Variants in MRPL13 observed in about 807,000 individuals in gnomAD.
MRPL13 encodes large ribosomal subunit protein uL13m.
MRPL13 carries 33 observed loss-of-function variants against 29.0 expected under a neutral mutation model. The observed-to-expected ratio is 1.14, with a 90% CI of 0.86 to 1.52. MRPL13 has a LOEUF of 1.52. Among genes scored for constraint, MRPL13 ranks in the 40% most tolerant of loss-of-function variants. The pLI is 0.00. For synonymous variants in MRPL13, 77 were observed against 68.4 expected (o/e 1.13, Z -0.62); for missense variants, 227 against 216.7 (o/e 1.05, Z -0.30).
In MRPL13 at chr8:120,436,043, G is replaced by C. The variant is rs115426195; in HGVS notation, c.152-3920C>G. ...TCTTGTTAATCAATCTTATGCTCTA[G>C]TTGAAAAGCCAGACAATAAACAAAC... On this transcript the variant is annotated intron_variant, in intron 2 of 6. Transcript: ENST00000306185. 5.1e-3 allele frequency among the ~76,000 whole-genome samples: 779 copies of C among 152,110 alleles called. 8 individuals carry two copies. The highest frequency in any genetic ancestry group is 0.017 in the African/African-American group (693 of 41,500).
chr8:120,412,832 C>G (rs542946605), intron 6 of MRPL13, among the ~76,000 whole-genome samples: 1 of 152,232 alleles, frequency 6.6e-6, no homozygotes, highest in East Asian at 1.9e-4. Context: ...GACCCAGCAG[C>G]TAGTCACTCA....
At chr8:120,444,861 A>C in intron 1 of MRPL13, 62 of 360,524 alleles carry the variant, frequency 1.7e-4, no homozygotes, top group East Asian at 5.8e-4. Context: ...TGAAAAGGGC[A>C]GATTGAAAAG....
chr8:120,444,454 T>C (rs1022105844), intron 1 of MRPL13, among the ~76,000 whole-genome samples: 7 of 152,174 alleles, frequency 4.6e-5, no homozygotes, highest in Non-Finnish European at 8.8e-5. Flanking sequence ...GTTTCTTCTT[T>C]TGCTGTTGGC....
chr8:120,425,575 T>C (rs752505583), intron 3 of MRPL13, among the ~76,000 whole-genome samples: 9 of 152,214 alleles, frequency 5.9e-5, no homozygotes, highest in Non-Finnish European at 1.2e-4. Context: ...AAGTTCTACT[T>C]CTTGGAAAAA....
At chr8:120,414,442 T>G (rs1230563327) in intron 5 of MRPL13, 1 of 155,004 alleles carries the variant, frequency 6.5e-6, no homozygotes, top group East Asian at 1.9e-4. Flanking sequence ...TTAGTGCCAC[T>G]ACCTTTCAAT....
rs147074860 is a variant in MRPL13 at position 120,407,072 on chromosome 8, C to G, written c.515+6919G>C. ...AGCAAATTCTTTACCATACGCATCCCTATGCAAAACACTGCCTGCTACTCA... is the reference window on the plus strand; with the variant it reads ...AGCAAATTCTTTACCATACGCATCCGTATGCAAAACACTGCCTGCTACTCA... On this transcript the variant is annotated intron_variant, in intron 6 of 6. Transcript: ENST00000306185. Among the ~76,000 whole-genome samples the G allele has an allele frequency of 2.5e-4, 38 of 152,264 alleles. No homozygotes were observed. The Middle Eastern group carries it at 0.017, about 68-fold the overall frequency.
Position 120,414,007 on chromosome 8 carries a change from G to T in MRPL13, c.499C>A (p.Pro167Thr). The T allele has an allele frequency of 1.3e-6, 2 of 1,558,872 alleles. No homozygotes were observed. Among genetic ancestry groups the T allele is most frequent in the South Asian group, 1.3e-5 (1 of 78,668 alleles). ...EYTQEEIDAF[P>T]RLWTPPEDYR... The stretch of plus-strand genomic sequence containing the variant: ...AACACTTACGGAGTCCACAATCTTG[G>T]GAAGGCGTCTATTTCTTCTTGTGTG... Residue 167 changes from proline (P) to threonine (T), a missense_variant, in exon 6 of 7, where the codon CCA becomes ACA. Physicochemically the swap from Pro to Thr is conservative, Grantham distance 38 (BLOSUM62 -1). Coordinates refer to ENST00000306185, the MANE Select transcript of MRPL13 (RefSeq NM_014078.6).
intron 2 of MRPL13, among the ~76,000 whole-genome samples, chr8:120,437,882 A>C (rs1813073557): frequency 1.3e-5 from 2 of 152,204 alleles, no homozygotes; most frequent in Non-Finnish European, 2.9e-5. Flanking sequence ...ATTTTCAAAA[A>C]AAATATGTTT....
intron 6 of MRPL13, among the ~76,000 whole-genome samples, chr8:120,411,965 A>G (rs1563772355): frequency 6.6e-6 from 1 of 152,240 alleles, no homozygotes; most frequent in Non-Finnish European, 1.5e-5. Context: ...TCTGACTATA[A>G]TAACACTAAA....
intron 3 of MRPL13, among the ~76,000 whole-genome samples, chr8:120,427,095 T>C (rs1812938568): frequency 6.6e-6 from 1 of 151,970 alleles, no homozygotes; most frequent in African/African-American, 2.4e-5. Flanking sequence ...TAATATAAAA[T>C]TAAATAACTA....
At chr8:120,412,358 T>A (rs958466346) in intron 6 of MRPL13, among the ~76,000 whole-genome samples, 1 of 152,198 alleles carries the variant, frequency 6.6e-6, no homozygotes, top group Non-Finnish European at 1.5e-5. Flanking sequence ...GTTAAAATGG[T>A]ATAGAATTTG....
intron 6 of MRPL13, among the ~76,000 whole-genome samples, chr8:120,399,721 C>T (rs563530769): frequency 2.6e-4 from 40 of 152,186 alleles, no homozygotes; most frequent in African/African-American, 8.9e-4. Flanking sequence ...AGTTGAGACC[C>T]ATCAGTATGC....
At chr8:120,404,494 G>A (rs1003753959) in intron 6 of MRPL13, among the ~76,000 whole-genome samples, 1 of 152,058 alleles carries the variant, frequency 6.6e-6, no homozygotes, top group Non-Finnish European at 1.5e-5. Context: ...CACCTCAAAC[G>A]TTACATTTTC....
intron 4 of MRPL13, among the ~76,000 whole-genome samples, chr8:120,423,202 G>A (rs1812893283): frequency 6.6e-6 from 1 of 151,654 alleles, no homozygotes; most frequent in Non-Finnish European, 1.5e-5. Context: ...TACAGAACTG[G>A]AACACAGATC....
At chr8:120,410,233 T>C (rs1475125916) in intron 6 of MRPL13, among the ~76,000 whole-genome samples, 2 of 152,222 alleles carry the variant, frequency 1.3e-5, no homozygotes, top group Non-Finnish European at 2.9e-5. Flanking sequence ...TATATACTTG[T>C]GGCGCAATGC....
In MRPL13 at chr8:120,422,668, C is replaced by A. The variant is rs374860313; in HGVS notation, c.306+2638G>T. On this transcript the variant is annotated intron_variant, in intron 4 of 6. Transcript: ENST00000306185. ...AAAGTAATTAAAAATTTAGTTAATT[C>A]GTGAAGTTAATTAATATTGTTTATA... 1.2e-3 allele frequency among the ~76,000 whole-genome samples: 184 copies of A among 149,180 alleles called. 1 individual carries two copies. Among genetic ancestry groups the A allele is most frequent in the African/African-American group, 4.2e-3 (174 of 40,990 alleles).
chr8:120,430,317 T>C (rs1812983430), intron 3 of MRPL13, among the ~76,000 whole-genome samples: 1 of 152,032 alleles, frequency 6.6e-6, no homozygotes, highest in African/African-American at 2.4e-5. Flanking sequence ...TCCATAGATA[T>C]GGAGGGCTGA....
intron 1 of MRPL13, among the ~76,000 whole-genome samples, chr8:120,444,720 C>T (rs910071240): frequency 7.9e-5 from 12 of 152,224 alleles, no homozygotes; most frequent in Non-Finnish European, 1.5e-4. Context: ...GATCAAAACC[C>T]TCCAAAAGGT....
chr8:120,408,052 G>A (rs1812696623), intron 6 of MRPL13, among the ~76,000 whole-genome samples: 1 of 152,198 alleles, frequency 6.6e-6, no homozygotes, highest in African/African-American at 2.4e-5. Context: ...TAGCTATACT[G>A]AGAGGTAAAG....
Sources: gnomAD v4.1 joint callset for allele counts (sites outside exome capture counted in the v4.1 genomes callset) on GRCh38, gnomAD v4.1.1 for gene constraint, MANE v1.5 for transcripts, NCBI Gene and HGNC (gene_info 2026-07-23, HGNC 2026-07-21) for gene names.